The following AIG1 variants were observed in gnomAD, a reference collection of about 807,000 sequenced individuals.
The protein encoded by AIG1 is androgen-induced gene 1 protein.
Under a neutral mutation model 31.4 loss-of-function variants are expected in AIG1, and 23 were observed. The observed-to-expected ratio is 0.73, with a 90% CI of 0.53 to 1.04. The LOEUF (loss-of-function observed/expected upper bound fraction) is 1.04. Ranked by LOEUF, AIG1 falls within the 50% of genes least tolerant of loss-of-function variation. The probability of loss-of-function intolerance (pLI) is 0.00; values close to 1 mark genes in which losing one functional copy is unlikely to be tolerated. For missense variants in AIG1, 274 were observed against 295.0 expected (o/e 0.93, Z 0.52); for synonymous variants, 100 against 110.5 (o/e 0.90, Z 0.60).
intron 1 of AIG1, among the ~76,000 whole-genome samples, chr6:143,110,733 T>C (rs775269456): frequency 6.6e-6 from 1 of 152,198 alleles, no homozygotes; most frequent in Non-Finnish European, 1.5e-5. Context: ...AGATGCAGTA[T>C]GTCTTGTCCA....
chr6:143,126,303 AG>A (rs1338747320), intron 1 of AIG1: 1 of 152,186 alleles, frequency 6.6e-6, no homozygotes, highest in Admixed American at 6.5e-5. Flanking sequence ...CATGGACTCC[AG>A]GTAAGTGATG....
intron 4 of AIG1, among the ~76,000 whole-genome samples, chr6:143,319,348 C>T: frequency 6.6e-6 from 1 of 152,096 alleles, no homozygotes; most frequent in East Asian, 1.9e-4. Context: ...AATGGTAGAC[C>T]ATTATTCTAA....
At chr6:143,276,750 T>C (rs1667935972) in intron 3 of AIG1, among the ~76,000 whole-genome samples, 1 of 152,268 alleles carries the variant, frequency 6.6e-6, no homozygotes, top group Non-Finnish European at 1.5e-5. Flanking sequence ...GTAGCAGATT[T>C]TGAGCTGACC....
intron 3 of AIG1, among the ~76,000 whole-genome samples, chr6:143,227,245 G>C (rs1268238649): frequency 6.6e-6 from 1 of 152,138 alleles, no homozygotes; most frequent in Non-Finnish European, 1.5e-5. Context: ...CAGTCACCCT[G>C]TCAACAAATG....
intron 3 of AIG1, among the ~76,000 whole-genome samples, chr6:143,192,293 C>T (rs1326543671): frequency 6.6e-6 from 1 of 152,122 alleles, no homozygotes; most frequent in Non-Finnish European, 1.5e-5. Flanking sequence ...AGGAATAAGT[C>T]CTCAACAAAA....
chr6:143,210,426 T>A (rs988713963), intron 3 of AIG1, among the ~76,000 whole-genome samples: 2 of 152,154 alleles, frequency 1.3e-5, no homozygotes, highest in African/African-American at 4.8e-5. Flanking sequence ...TCCCCAGAGC[T>A]TCCACAAGGT....
intron 3 of AIG1, among the ~76,000 whole-genome samples, chr6:143,203,852 A>G (rs1562486975): frequency 6.6e-6 from 1 of 152,180 alleles, no homozygotes; most frequent in Non-Finnish European, 1.5e-5. Context: ...GTCTCTTCCA[A>G]TTTTGAAATT....
Position 143,292,430 on chromosome 6 carries a change from C to T in AIG1, c.515+8205C>T, listed in dbSNP as rs1274092847. ...TTAGAGAGATGCAGTGGAGAAAGGA[C>T]TTGAACTGCCGTCACTGGCTTTGAA... is the stretch of plus-strand genomic sequence containing the variant. On this transcript the variant is annotated intron_variant, in intron 4 of 5. Coordinates refer to ENST00000357847, the MANE Select transcript of AIG1 (RefSeq NM_016108.4). This position sits in a 1 kb window ranked among gnomAD's most constrained non-coding sequence, Gnocchi z 4.9. 1.3e-5 allele frequency among the ~76,000 whole-genome samples: 2 copies of T among 152,176 alleles called. No individual in the cohort carries two copies. Among genetic ancestry groups the T allele is most frequent in the Non-Finnish European group, 2.9e-5 (2 of 68,040 alleles).
chr6:143,296,617 A>T (rs1027072693), intron 4 of AIG1, among the ~76,000 whole-genome samples: 2 of 152,222 alleles, frequency 1.3e-5, no homozygotes, highest in Non-Finnish European at 2.9e-5. Flanking sequence ...GGCACACATT[A>T]AAATCTGGTT....
At chr6:143,073,436 A>AT (rs1354219217) in intron 1 of AIG1, among the ~76,000 whole-genome samples, 2 of 152,088 alleles carry the variant, frequency 1.3e-5, no homozygotes, top group South Asian at 4.2e-4. Context: ...ATTTAATTTT[A>AT]TTTTTTAGAA....
chr6:143,213,511 T>C (rs947790639), intron 3 of AIG1, among the ~76,000 whole-genome samples: 19 of 131,626 alleles, frequency 1.4e-4, no homozygotes, highest in South Asian at 2.6e-4. Context: ...CTTTCTTCTT[T>C]TTTTTTTTTT....
At chr6:143,337,956 A>AT (rs1043882098) in intron 5 of AIG1, 35 of 398,430 alleles carry the variant, frequency 8.8e-5, no homozygotes, top group African/African-American at 6.0e-4. Flanking sequence ...CAGCTGTCTA[A>AT]TTTTTTCTGT....
At chr6:143,302,908 A>G in intron 4 of AIG1, among the ~76,000 whole-genome samples, 1 of 152,074 alleles carries the variant, frequency 6.6e-6, no homozygotes, top group Non-Finnish European at 1.5e-5. Context: ...CTTTTTAATG[A>G]TTGCCATTCT....
At chr6:143,103,501 C>CTTTT (rs1173435325) in intron 1 of AIG1, among the ~76,000 whole-genome samples, 85 of 84,208 alleles carry the variant, frequency 1.0e-3, no homozygotes, top group East Asian at 2.0e-3. Flanking sequence ...CAGAAGTTTT[C>CTTTT]TTTTTTTTTT....
chr6:143,284,324 C>T lies in AIG1; in HGVS notation c.515+99C>T, dbSNP rs1177506437. The T allele has an allele frequency of 1.1e-5, 9 of 839,788 alleles. No individual in the cohort carries two copies. Among genetic ancestry groups the T allele is most frequent in the African/African-American group, 5.1e-5 (3 of 58,868 alleles). 52.0% of individuals were successfully genotyped at this position (839,788 alleles called of 1,614,324 possible). A position where few individuals can be genotyped will look rare whatever the true frequency, so the allele number is the denominator to read the frequency against. ...ATGGATATAATCACTAACAGATTCA[C>T]GCTGTGTGCCGCATTTGGTCCAAGA... On this transcript the variant is annotated intron_variant, in intron 4 of 5. Transcript: ENST00000357847. This position sits in a 1 kb window ranked among gnomAD's most constrained non-coding sequence, Gnocchi z 4.4.
At chr6:143,275,176 G>C (rs1216793956) in intron 3 of AIG1, among the ~76,000 whole-genome samples, 4 of 152,160 alleles carry the variant, frequency 2.6e-5, no homozygotes, top group Non-Finnish European at 5.9e-5. Context: ...GAAATTGTAG[G>C]TGACAAGGCT....
chr6:143,085,626 G>A (rs139958554), intron 1 of AIG1, among the ~76,000 whole-genome samples: 57 of 152,296 alleles, frequency 3.7e-4, no homozygotes, highest in African/African-American at 1.3e-3. Context: ...GAGGGTGTAG[G>A]TAACCTTTTG....
intron 3 of AIG1, among the ~76,000 whole-genome samples, chr6:143,225,945 T>A (rs1429246345): frequency 6.6e-6 from 1 of 152,220 alleles, no homozygotes; most frequent in Non-Finnish European, 1.5e-5. Context: ...ATACTTTTTT[T>A]AAATAGCACA....
At chr6:143,262,631 G>T (rs56827403) in intron 3 of AIG1, among the ~76,000 whole-genome samples, 1 of 151,976 alleles carries the variant, frequency 6.6e-6, no homozygotes, top group Non-Finnish European at 1.5e-5. Flanking sequence ...GGGATTTTAC[G>T]CAGGATCAGA....
Sources: allele counts gnomAD v4.1 joint callset (sites outside exome capture counted in the v4.1 genomes callset), GRCh38; gene constraint gnomAD v4.1.1; non-coding constraint Gnocchi (gnomAD v3.1); transcripts MANE v1.5; gene names NCBI Gene and HGNC (gene_info 2026-07-23, HGNC 2026-07-21).